DIAPH2: variants seen among roughly 807,000 people sequenced by gnomAD.
DIAPH2 encodes the protein diaphanous related formin 2.
A neutral mutation model predicts 92.7 loss-of-function variants in DIAPH2; 35 were observed. The ratio of observed to expected loss-of-function variants is 0.38; its 90% CI spans 0.29 to 0.50. The LOEUF (loss-of-function observed/expected upper bound fraction) is 0.50. Ranked by LOEUF, DIAPH2 falls within the 20% of genes least tolerant of loss-of-function variation. The pLI is 0.94. For synonymous variants in DIAPH2, 301 were observed against 280.4 expected (o/e 1.07, Z -0.73); for missense variants, 701 against 819.5 (o/e 0.86, Z 1.77).
intron 24 of DIAPH2, among the ~76,000 whole-genome samples, chrX:97,353,138 T>C (rs1396396683): frequency 9.0e-6 from 1 of 110,787 alleles, no homozygotes; most frequent in Non-Finnish European, 1.9e-5. Context: ...TTGTACTTCA[T>C]AAGTGTATAC....
intron 26 of DIAPH2, among the ~76,000 whole-genome samples, chrX:97,441,213 C>T (rs1456959496): frequency 9.1e-6 from 1 of 109,666 alleles, no homozygotes; most frequent in Non-Finnish European, 1.9e-5. Flanking sequence ...GTCGGGAGTT[C>T]GAGACCAGCC....
chrX:97,324,091 CT>C lies in DIAPH2; in HGVS notation c.2845-24024del, dbSNP rs1220868297. On this transcript the variant is annotated intron_variant, in intron 23 of 26. Transcript: ENST00000324765. ...GCTACCCTTTGGTGCCTACAGATGACTCTCCTTTCAATAAAACATATTTAAA... is the reference window on the plus strand; with the variant it reads ...GCTACCCTTTGGTGCCTACAGATGACCTCCTTTCAATAAAACATATTTAAA... 2.7e-5 allele frequency among the ~76,000 whole-genome samples: 3 copies of C among 110,891 alleles called. No individual in the cohort carries two copies. In the East Asian group the frequency reaches 8.4e-4, roughly 31 times the overall value.
chrX:97,026,314 A>AAGT (rs1418132086), intron 17 of DIAPH2, among the ~76,000 whole-genome samples: 28 of 112,431 alleles, frequency 2.5e-4, no homozygotes, highest in South Asian at 1.1e-3. Flanking sequence ...AGGAAATAAA[A>AAGT]AGTAACCAAT....
At chrX:96,764,497 G>A (rs185978888) in intron 4 of DIAPH2, among the ~76,000 whole-genome samples, 21 of 111,519 alleles carry the variant, frequency 1.9e-4, no homozygotes, top group Non-Finnish European at 2.6e-4. Flanking sequence ...AAGTCCAGGC[G>A]GCAAATTATA....
chrX:97,340,701 G>A (rs1484053921), intron 23 of DIAPH2, among the ~76,000 whole-genome samples: 7 of 104,019 alleles, frequency 6.7e-5, no homozygotes, highest in Non-Finnish European at 1.2e-4. Context: ...TGTCGCTCAG[G>A]CTGGAGTGCA....
At chrX:97,358,263 T>C (rs1450687833) in intron 24 of DIAPH2, among the ~76,000 whole-genome samples, 1 of 111,815 alleles carries the variant, frequency 8.9e-6, no homozygotes, top group Admixed American at 9.6e-5. Context: ...CCAGTGGTTC[T>C]CACCCAAGAG....
intron 4 of DIAPH2, among the ~76,000 whole-genome samples, chrX:96,857,552 G>A (rs1293908775): frequency 8.9e-6 from 1 of 112,333 alleles, no homozygotes; most frequent in African/African-American, 3.2e-5. Context: ...ATAGAAAAAC[G>A]CAGTATCCTT....
At chrX:96,975,817 T>G (rs748268022) in intron 17 of DIAPH2, among the ~76,000 whole-genome samples, 2 of 111,129 alleles carry the variant, frequency 1.8e-5, no homozygotes, top group South Asian at 7.7e-4. Context: ...GTCTTTGTTT[T>G]AAGGGCACTA....
chrX:97,323,591 A>AAC (rs2068922252), intron 23 of DIAPH2, among the ~76,000 whole-genome samples: 1 of 77,431 alleles, frequency 1.3e-5, no homozygotes, highest in African/African-American at 5.1e-5. Context: ...ACTCCGTCTC[A>AAC]AGAAAAAAAA....
chrX:97,566,107 C>T (rs2071325630), intron 26 of DIAPH2, among the ~76,000 whole-genome samples: 1 of 111,921 alleles, frequency 8.9e-6, no homozygotes, highest in African/African-American at 3.2e-5. Flanking sequence ...CATCTAAAAC[C>T]CATATTAAGT....
chrX:96,852,589 G>T (rs1046095236), intron 4 of DIAPH2, among the ~76,000 whole-genome samples: 1 of 111,524 alleles, frequency 9.0e-6, no homozygotes, highest in Non-Finnish European at 1.9e-5. Flanking sequence ...GGCCTGGGTT[G>T]CTAATCCCAA....
intron 4 of DIAPH2, among the ~76,000 whole-genome samples, chrX:96,857,976 T>G (rs1412515359): frequency 8.9e-6 from 1 of 112,514 alleles, no homozygotes; most frequent in Non-Finnish European, 1.9e-5. Flanking sequence ...TTGCATGTTA[T>G]AAAAACCAGA....
chrX:96,816,697 A>G (rs368782968), intron 4 of DIAPH2, among the ~76,000 whole-genome samples: 4 of 112,240 alleles, frequency 3.6e-5, no homozygotes, highest in African/African-American at 1.3e-4. Context: ...TTGAGCTACC[A>G]TATGATCCAG....
chrX:97,055,480 G>C (rs1263363930), intron 17 of DIAPH2, among the ~76,000 whole-genome samples: 1 of 111,114 alleles, frequency 9.0e-6, no homozygotes, highest in Non-Finnish European at 1.9e-5. Context: ...ACACTTCTCA[G>C]GTAACTGAGA....
intron 23 of DIAPH2, among the ~76,000 whole-genome samples, chrX:97,280,391 C>T (rs930773718): frequency 2.7e-5 from 3 of 110,252 alleles, no homozygotes; most frequent in African/African-American, 9.9e-5. Flanking sequence ...GGCAGAAGAA[C>T]GAACCCGGGA....
intron 23 of DIAPH2, among the ~76,000 whole-genome samples, chrX:97,307,084 A>C (rs1462360346): frequency 9.0e-6 from 1 of 111,680 alleles, no homozygotes; most frequent in East Asian, 2.8e-4. Context: ...CTCTTATTAT[A>C]TGTATAAATA....
intron 3 of DIAPH2, among the ~76,000 whole-genome samples, chrX:96,754,459 G>A (rs1005715414): frequency 1.8e-5 from 2 of 111,659 alleles, no homozygotes; most frequent in Non-Finnish European, 3.8e-5. Context: ...CAGTAAATAA[G>A]TGATTCAGAA....
intron 5 of DIAPH2, chrX:96,884,544 G>A (rs1300758026): frequency 8.3e-7 from 1 of 1,208,314 alleles, no homozygotes; most frequent in Non-Finnish European, 1.1e-6. Flanking sequence ...CCATCGTGGG[G>A]GTAATCAGAG....
At chrX:97,544,922 C>T (rs2071168257) in intron 26 of DIAPH2, among the ~76,000 whole-genome samples, 1 of 111,140 alleles carries the variant, frequency 9.0e-6, no homozygotes, top group Non-Finnish European at 1.9e-5. Flanking sequence ...TTATTACAGA[C>T]CTACTATGTA....
Sources: allele counts gnomAD v4.1 joint callset (sites outside exome capture counted in the v4.1 genomes callset), GRCh38; gene constraint gnomAD v4.1.1; transcripts MANE v1.5; gene names NCBI Gene and HGNC (gene_info 2026-07-23, HGNC 2026-07-21).